The following SCARA5 variants were observed in gnomAD, a reference collection of about 807,000 sequenced individuals.
SCARA5 encodes scavenger receptor class A, member 5 (putative).
In SCARA5, 45 loss-of-function variants were observed where a neutral mutation model predicts 46.3. The observed-to-expected ratio is 0.97, with a 90% CI of 0.76 to 1.24. The LOEUF is 1.24. Among genes scored for constraint, SCARA5 ranks in the 50% most tolerant of loss-of-function variants. SCARA5 has a pLI of 0.00. For synonymous variants in SCARA5, 333 were observed against 306.5 expected, an observed-to-expected ratio of 1.09 and a Z score of -0.90; for missense variants, 680 against 689.0, an observed-to-expected ratio of 0.99 and a Z score of 0.15.
chr8:27,966,332 A>C, intron 3 of SCARA5, 82 bp downstream of exon 3: 1 of 1,410,886 alleles, frequency 7.1e-7, no homozygotes, highest in Non-Finnish European at 9.6e-7. Flanking sequence ...GTTTGGGCTC[A>C]TGACAGTGGG....
chr8:27,989,129 C>CTTT (rs34929623), intron 1 of SCARA5, among the ~76,000 whole-genome samples: 1,488 of 68,118 alleles, frequency 0.022, 66 homozygotes, highest in African/African-American at 0.041. Flanking sequence ...TTCTTTCTTT[C>CTTT]TTTTTTTTTT....
Position 27,897,927 on chromosome 8 carries a change from G to A in SCARA5, c.1153+6851C>T, listed in dbSNP as rs113690159. On this transcript the variant is annotated intron_variant, in intron 7 of 8. Coordinates refer to ENST00000354914, the MANE Select transcript of SCARA5 (RefSeq NM_173833.6). ...TATATCCAGAATACAAATATTAGTG[G>A]CCCTGTTAATGACCTCTTAGGATTC... Among the ~76,000 whole-genome samples, 409 of 152,330 alleles carry A rather than the reference G, an allele frequency of 2.7e-3. 4 individuals are homozygous for A. Among genetic ancestry groups the A allele is most frequent in the African/African-American group, 9.5e-3 (395 of 41,578 alleles).
At chr8:27,888,908 G>C (rs775312711) in intron 7 of SCARA5, among the ~76,000 whole-genome samples, 3 of 152,176 alleles carry the variant, frequency 2.0e-5, no homozygotes, top group Non-Finnish European at 4.4e-5. Flanking sequence ...CCTCCTTGCT[G>C]TCTCCCAGAT....
At chr8:27,935,631 C>T (rs558562161) in intron 3 of SCARA5, among the ~76,000 whole-genome samples, 7 of 152,210 alleles carry the variant, frequency 4.6e-5, no homozygotes, top group Admixed American at 6.5e-5. Context: ...ACCCAGGGAG[C>T]GGGAGAGGGC....
intron 2 of SCARA5, among the ~76,000 whole-genome samples, chr8:27,970,883 T>C (rs1272349027): frequency 6.7e-6 from 1 of 149,710 alleles, no homozygotes; most frequent in African/African-American, 2.6e-5. Context: ...ATTTTGGCTT[T>C]TTTTTAAAAA....
intron 8 of SCARA5, among the ~76,000 whole-genome samples, chr8:27,875,150 T>C (rs1421371700): frequency 6.6e-6 from 1 of 151,848 alleles, no homozygotes; most frequent in Non-Finnish European, 1.5e-5. Flanking sequence ...CTCCCTTCTT[T>C]CTTCCTTCCT....
chr8:27,959,543 A>G (rs1808262153), intron 3 of SCARA5, among the ~76,000 whole-genome samples: 1 of 152,168 alleles, frequency 6.6e-6, no homozygotes. Flanking sequence ...ACAGAAACCA[A>G]TCATTGCAAT....
At chr8:27,958,779 T>C (rs1808244143) in intron 3 of SCARA5, among the ~76,000 whole-genome samples, 1 of 152,222 alleles carries the variant, frequency 6.6e-6, no homozygotes, top group Non-Finnish European at 1.5e-5. Context: ...ACAAAGCCAG[T>C]GGCACTGACA....
At chr8:27,932,892 A>G (rs1406630694) in intron 3 of SCARA5, among the ~76,000 whole-genome samples, 1 of 152,182 alleles carries the variant, frequency 6.6e-6, no homozygotes, top group Non-Finnish European at 1.5e-5. Context: ...CGGCCTCCCA[A>G]AATGCTGGGA....
chr8:27,951,543 C>G (rs1808127878), intron 3 of SCARA5, among the ~76,000 whole-genome samples: 1 of 152,248 alleles, frequency 6.6e-6, no homozygotes, highest in Non-Finnish European at 1.5e-5. Context: ...GGTCACACAG[C>G]TTGTGGCAGT....
chr8:27,961,141 A>T (rs566115468), intron 3 of SCARA5, among the ~76,000 whole-genome samples: 1 of 152,274 alleles, frequency 6.6e-6, no homozygotes, highest in Non-Finnish European at 1.5e-5. Flanking sequence ...GGTAATACCA[A>T]TGCCAGCAAT....
chr8:27,881,640 T>G (rs1389875989), intron 7 of SCARA5, among the ~76,000 whole-genome samples: 3 of 152,196 alleles, frequency 2.0e-5, no homozygotes, highest in Non-Finnish European at 4.4e-5. Flanking sequence ...TATACCCAGG[T>G]AATAAACCTG....
At chr8:27,906,195 C>T (rs1218218745) in intron 6 of SCARA5, among the ~76,000 whole-genome samples, 1 of 152,118 alleles carries the variant, frequency 6.6e-6, no homozygotes, top group African/African-American at 2.4e-5. Context: ...GAATGATTAG[C>T]AGTACTTTTT....
chr8:27,964,088 G>A (rs1348401936), intron 3 of SCARA5, among the ~76,000 whole-genome samples: 2 of 152,170 alleles, frequency 1.3e-5, no homozygotes, highest in African/African-American at 4.8e-5. Context: ...TGGTATCTCT[G>A]AGAAGGAGCA....
chr8:27,978,382 T>C (rs1193957650), intron 2 of SCARA5, among the ~76,000 whole-genome samples: 1 of 152,102 alleles, frequency 6.6e-6, no homozygotes, highest in Non-Finnish European at 1.5e-5. Flanking sequence ...ACTTTAAAAT[T>C]TCATGTGTGG....
intron 4 of SCARA5, among the ~76,000 whole-genome samples, chr8:27,919,560 C>T (rs888114112): frequency 3.3e-5 from 5 of 152,128 alleles, no homozygotes; most frequent in African/African-American, 1.2e-4. Flanking sequence ...ACCCTTAACA[C>T]TCCCCTGACA....
chr8:27,984,566 A>G (rs1808673207), intron 2 of SCARA5, among the ~76,000 whole-genome samples: 3 of 152,062 alleles, frequency 2.0e-5, no homozygotes, highest in Admixed American at 6.5e-5. Flanking sequence ...TCATTCACCC[A>G]TCCATTCATT....
At chr8:27,937,765 C>T (rs929898223) in intron 3 of SCARA5, among the ~76,000 whole-genome samples, 5 of 152,186 alleles carry the variant, frequency 3.3e-5, no homozygotes, top group African/African-American at 7.2e-5. Flanking sequence ...TGGCTGCCTT[C>T]TCTCTTGCCC....
intron 3 of SCARA5, among the ~76,000 whole-genome samples, chr8:27,962,752 C>A (rs1027682156): frequency 2.0e-5 from 3 of 152,220 alleles, no homozygotes; most frequent in Non-Finnish European, 2.9e-5. Flanking sequence ...AATTTGGCAA[C>A]AGCAGAAACT....
Sources: allele counts gnomAD v4.1 joint callset (sites outside exome capture counted in the v4.1 genomes callset), GRCh38; gene constraint gnomAD v4.1.1; transcripts MANE v1.5; gene names NCBI Gene and HGNC (gene_info 2026-07-23, HGNC 2026-07-21).